Variants in FBXL17 observed in about 807,000 individuals in gnomAD.
FBXL17 encodes the protein F-box and leucine rich repeat protein 17.
Under a neutral mutation model 66.2 loss-of-function variants are expected in FBXL17, and 22 were observed. The observed-to-expected ratio is 0.33, with a 90% confidence interval of 0.24 to 0.47. FBXL17 has a LOEUF of 0.47. FBXL17 is among the 20% of genes least tolerant of loss of function. The pLI, the probability that FBXL17 is intolerant of heterozygous loss-of-function variation, is 1.00. For synonymous variants in FBXL17, 474 were observed against 400.5 expected, an observed-to-expected ratio of 1.18 and a Z score of -2.19; for missense variants, 878 against 948.2, an observed-to-expected ratio of 0.93 and a Z score of 0.97.
chr5:107,906,274 C>A (rs996767886), intron 7 of FBXL17, among the ~76,000 whole-genome samples: 1 of 151,902 alleles, frequency 6.6e-6, no homozygotes, highest in Non-Finnish European at 1.5e-5. Context: ...TAAAATATAT[C>A]CAGTATTTAT....
chr5:108,101,118 T>C (rs1233637842), intron 6 of FBXL17, among the ~76,000 whole-genome samples: 1 of 152,224 alleles, frequency 6.6e-6, no homozygotes, highest in Non-Finnish European at 1.5e-5. Context: ...AGTAGAGCTA[T>C]GCCATTTTTA....
intron 4 of FBXL17, among the ~76,000 whole-genome samples, chr5:108,323,502 T>C (rs1759711763): frequency 1.3e-5 from 2 of 152,042 alleles, no homozygotes; most frequent in African/African-American, 4.8e-5. Flanking sequence ...ATACTTAATA[T>C]TGTTAAAATG....
At chr5:107,938,434 A>G (rs1750980164) in intron 7 of FBXL17, among the ~76,000 whole-genome samples, 1 of 152,174 alleles carries the variant, frequency 6.6e-6, no homozygotes, top group Admixed American at 6.6e-5. Context: ...CCTAGGGTGA[A>G]AGGGGTTGTT....
At chr5:107,929,901 A>G (rs1750673793) in intron 7 of FBXL17, among the ~76,000 whole-genome samples, 1 of 152,208 alleles carries the variant, frequency 6.6e-6, no homozygotes, top group African/African-American at 2.4e-5. Context: ...TTCTACACCC[A>G]TAAAGTCTGG....
intron 6 of FBXL17, among the ~76,000 whole-genome samples, chr5:108,159,716 A>G (rs965083254): frequency 2.0e-5 from 3 of 152,230 alleles, no homozygotes; most frequent in African/African-American, 7.2e-5. Context: ...AGACTAAAAC[A>G]TCGTGTAAAG....
intron 6 of FBXL17, among the ~76,000 whole-genome samples, chr5:108,065,109 G>A (rs1270382081): frequency 6.6e-6 from 1 of 152,032 alleles, no homozygotes; most frequent in African/African-American, 2.4e-5. Flanking sequence ...TGACTTTTCA[G>A]AGGCAACGAG....
chr5:108,377,613 C>T (rs1278745097), intron 1 of FBXL17, among the ~76,000 whole-genome samples: 4 of 152,152 alleles, frequency 2.6e-5, no homozygotes, highest in Non-Finnish European at 4.4e-5. Flanking sequence ...ATAAATGTTT[C>T]TCAATGATTT....
At chr5:108,108,625 T>G (rs1277265575) in intron 6 of FBXL17, among the ~76,000 whole-genome samples, 1 of 152,182 alleles carries the variant, frequency 6.6e-6, no homozygotes, top group Non-Finnish European at 1.5e-5. Context: ...AGTTTTCTAC[T>G]GTAAAAAAAT....
chr5:108,146,305 AC>A lies in FBXL17; in HGVS notation c.1745+39811del, dbSNP rs370963287. ...GTATATTAATTTTCACCACTTTGGT[AC>A]AAAAAAAAAAAATGAAGCACAAATC... On this transcript the variant is annotated intron_variant, in intron 6 of 8. Coordinates refer to ENST00000542267, the MANE Select transcript of FBXL17 (RefSeq NM_001163315.3). Among the ~76,000 whole-genome samples, 38 of 151,768 alleles carry A rather than the reference AC, an allele frequency of 2.5e-4. No individual in the cohort carries two copies. In the South Asian group the frequency reaches 7.7e-3, roughly 31 times the overall value.
intron 4 of FBXL17, among the ~76,000 whole-genome samples, chr5:108,238,200 A>G (rs2150095968): frequency 6.6e-6 from 1 of 152,350 alleles, no homozygotes; most frequent in Admixed American, 6.5e-5. Flanking sequence ...CACTTTATAA[A>G]TCATTTCAGT....
At chr5:108,376,934 T>A (rs1749467966) in intron 1 of FBXL17, among the ~76,000 whole-genome samples, 1 of 152,082 alleles carries the variant, frequency 6.6e-6, no homozygotes, top group East Asian at 1.9e-4. Context: ...CAGTGTAGAA[T>A]TTTATATTTC....
chr5:108,122,670 A>G (rs1750548995), intron 6 of FBXL17, among the ~76,000 whole-genome samples: 1 of 152,226 alleles, frequency 6.6e-6, no homozygotes, highest in Non-Finnish European at 1.5e-5. Context: ...AAAGCAAGAC[A>G]TTGAGTAACA....
At chr5:107,993,117 G>A (rs939425116) in intron 7 of FBXL17, among the ~76,000 whole-genome samples, 7 of 152,038 alleles carry the variant, frequency 4.6e-5, no homozygotes, top group African/African-American at 1.4e-4. Context: ...GGATGGTCTC[G>A]ATCTCCTGAC....
chr5:108,288,951 T>C (rs1202927295), intron 4 of FBXL17, among the ~76,000 whole-genome samples: 1 of 152,050 alleles, frequency 6.6e-6, no homozygotes, highest in African/African-American at 2.4e-5. Context: ...CAAAAAATGT[T>C]GGGAAGAAAA....
intron 3 of FBXL17, among the ~76,000 whole-genome samples, chr5:108,355,999 A>G (rs1274087456): frequency 6.6e-6 from 1 of 152,192 alleles, no homozygotes; most frequent in Non-Finnish European, 1.5e-5. Flanking sequence ...ATCTACTTTA[A>G]ATAGACAGAA....
chr5:108,351,555 C>T (rs1747657994), intron 3 of FBXL17, among the ~76,000 whole-genome samples: 1 of 152,186 alleles, frequency 6.6e-6, no homozygotes, highest in African/African-American at 2.4e-5. Flanking sequence ...TTTGGGGCCA[C>T]TCTGCTGGTC....
chr5:108,001,566 T>C (rs1162587374), intron 7 of FBXL17, among the ~76,000 whole-genome samples: 1 of 152,130 alleles, frequency 6.6e-6, no homozygotes, highest in Non-Finnish European at 1.5e-5. Context: ...AGCGGTGCTA[T>C]CTCGGCTCAC....
At chr5:108,070,106 G>A (rs1451241878) in intron 6 of FBXL17, among the ~76,000 whole-genome samples, 3 of 152,154 alleles carry the variant, frequency 2.0e-5, no homozygotes, top group Non-Finnish European at 2.9e-5. Flanking sequence ...TAGCAGATTT[G>A]TAAATGAGCC....
At chr5:108,067,409 A>T (rs559601088) in intron 6 of FBXL17, among the ~76,000 whole-genome samples, 2 of 152,280 alleles carry the variant, frequency 1.3e-5, no homozygotes, top group African/African-American at 4.8e-5. Flanking sequence ...AACAGGCAAA[A>T]AACACTCCTA....
Sources: gnomAD v4.1 joint callset for allele counts (sites outside exome capture counted in the v4.1 genomes callset) on GRCh38, gnomAD v4.1.1 for gene constraint, MANE v1.5 for transcripts, NCBI Gene and HGNC (gene_info 2026-07-23, HGNC 2026-07-21) for gene names.